PRKACA: variants seen among roughly 807,000 people sequenced by gnomAD.
The protein encoded by PRKACA is cAMP-dependent protein kinase catalytic subunit alpha.
PRKACA carries 9 observed loss-of-function variants against 45.8 expected under a neutral mutation model. The observed-to-expected ratio is 0.20, with a 90% CI of 0.12 to 0.34. The LOEUF (loss-of-function observed/expected upper bound fraction) is 0.34, where lower values mean the gene tolerates loss of function less well. PRKACA is among the 10% of genes least tolerant of loss of function. The pLI is 1.00. For missense variants in PRKACA, 238 were observed against 458.6 expected (o/e 0.52, Z 4.39); for synonymous variants, 160 against 178.6 (o/e 0.90, Z 0.83).
At position 14,097,641 on chromosome 19, in the gene PRKACA, C is replaced by T; in HGVS notation, c.580G>A (p.Gly194Ser). The T allele has an allele frequency of 6.2e-7, 1 of 1,609,330 alleles. No individual in the cohort carries two copies. Among genetic ancestry groups the T allele is most frequent in the Non-Finnish European group, 8.5e-7 (1 of 1,176,898 alleles). The change falls in exon 7 of 10, where the codon GGC becomes AGC. Residue 194 changes from glycine to serine, a missense_variant. Transcript: ENST00000308677. This position sits in a 1 kb window ranked among gnomAD's most constrained non-coding sequence, Gnocchi z 5.4. ...TDFGFAKRVK[G>S]RTWTLCGTPE... Reference sequence around the variant, plus strand: ...GTGCCGCACAAGGTCCAAGTGCGGCCCTTCACGCGCTTGGCGAAACCGAAG... The same window carrying T: ...GTGCCGCACAAGGTCCAAGTGCGGCTCTTCACGCGCTTGGCGAAACCGAAG...
chr19:14,098,814 GAAAAAAA>G (rs78905737), intron 5 of PRKACA, among the ~76,000 whole-genome samples: 24 of 90,672 alleles, frequency 2.6e-4, no homozygotes, highest in Admixed American at 7.8e-4. Flanking sequence ...TATGTTATTG[GAAAAAAA>G]AAAAAAAAAA....
chr19:14,106,250 C>T (rs1977600651), intron 3 of PRKACA, among the ~76,000 whole-genome samples: 1 of 152,128 alleles, frequency 6.6e-6, no homozygotes, highest in South Asian at 2.1e-4. Context: ...CTTGTAGTCC[C>T]AGCTACTCAG....
intron 3 of PRKACA, among the ~76,000 whole-genome samples, chr19:14,103,654 T>C (rs1192524951): frequency 6.6e-6 from 1 of 152,224 alleles, no homozygotes; most frequent in Non-Finnish European, 1.5e-5. Context: ...TCAGAGTCTA[T>C]ACCTGCCCTA....
chr19:14,094,566 A>C (rs1473309982), intron 8 of PRKACA, among the ~76,000 whole-genome samples: 1 of 152,236 alleles, frequency 6.6e-6, no homozygotes, highest in Non-Finnish European at 1.5e-5. Flanking sequence ...CATTGCTCTA[A>C]GGCAAGTGCT....
chr19:14,101,463 G>T (rs909859890), intron 4 of PRKACA, among the ~76,000 whole-genome samples: 12 of 152,202 alleles, frequency 7.9e-5, no homozygotes, highest in African/African-American at 2.9e-4. Context: ...ATACTCAGGA[G>T]ACTGAGGTGG....
intron 8 of PRKACA, among the ~76,000 whole-genome samples, chr19:14,096,032 GTTTTTTTT>G (rs60082323): frequency 1.1e-5 from 1 of 92,580 alleles, no homozygotes; most frequent in African/African-American, 4.5e-5. Flanking sequence ...CTAATTTTTA[GTTTTTTTT>G]TTTTTTTTTT....
Position 14,117,697 on chromosome 19 carries a change from G to A in PRKACA, c.-150C>T. ...GCGCCGCGACCCCCGCCCAGCCCCT[G>A]CTTCCCGCGTCTCTCCGCGCCCGCC... On this transcript the variant is annotated 5_prime_UTR_variant, in exon 1 of 10. Transcript: ENST00000308677. 1 of 272,164 alleles carries A rather than the reference G, an allele frequency of 3.7e-6. No individual in the cohort carries two copies. The highest frequency in any genetic ancestry group is 5.6e-6 in the Non-Finnish European group (1 of 178,678). 16.9% of individuals were successfully genotyped at this position (272,164 alleles called of 1,614,324 possible).
At chr19:14,113,784 C>T (rs1967038194) in intron 1 of PRKACA, among the ~76,000 whole-genome samples, 1 of 144,042 alleles carries the variant, frequency 6.9e-6, no homozygotes, top group African/African-American at 2.8e-5. Flanking sequence ...TGAGCTGGAC[C>T]CCAACACTGG....
intron 1 of PRKACA, chr19:14,114,231 T>G: frequency 6.4e-7 from 1 of 1,570,096 alleles, no homozygotes; most frequent in South Asian, 1.2e-5. Context: ...TCTGTTCGGC[T>G]GTCTGTCCCC....
chr19:14,114,879 T>G (rs1241619954), intron 1 of PRKACA, among the ~76,000 whole-genome samples: 1 of 152,174 alleles, frequency 6.6e-6, no homozygotes, highest in Non-Finnish European at 1.5e-5. Context: ...CACAGGGGAC[T>G]GCAGGATGCT....
rs572054126 is a variant in PRKACA, at chr19:14,100,983, C to T, written c.337-75G>A. ...GATCTGAAGGCCTTGGGGGCCTCCCCGGCTGGTGTTCAAACATTAAATGAC... is the reference window on the plus strand; with the variant it reads ...GATCTGAAGGCCTTGGGGGCCTCCCTGGCTGGTGTTCAAACATTAAATGAC... On this transcript the variant is annotated intron_variant, in intron 4 of 9. Transcript: ENST00000308677. 31 of 1,316,004 alleles carry T rather than the reference C, an allele frequency of 2.4e-5. 1 individual carries two copies. In the Admixed American group the frequency reaches 3.2e-4, roughly 14 times the overall value. 81.5% of individuals were successfully genotyped at this position (1,316,004 alleles called of 1,614,324 possible).
At chr19:14,104,565 G>A (rs1977547979) in intron 3 of PRKACA, among the ~76,000 whole-genome samples, 2 of 151,444 alleles carry the variant, frequency 1.3e-5, no homozygotes, top group Admixed American at 6.6e-5. Flanking sequence ...GCGTGGTGGT[G>A]GGCGCCTGTA....
chr19:14,095,693 T>C (rs1272305790), intron 8 of PRKACA, among the ~76,000 whole-genome samples: 2 of 151,048 alleles, frequency 1.3e-5, no homozygotes, highest in Non-Finnish European at 3.0e-5. Flanking sequence ...AATTTTTGTA[T>C]TTTTAGTAGA....
chr19:14,099,984 G>A lies in PRKACA; in HGVS notation c.419+842C>T, dbSNP rs538074435. ...GCCTCCCGAGTAGCTGGGACTATAG[G>A]CGCCCGCCATCACACCCGGCTAATT... On this transcript the variant is annotated intron_variant, in intron 5 of 9. Transcript: ENST00000308677. Among the ~76,000 whole-genome samples, 3 of 152,120 alleles carry A rather than the reference G, an allele frequency of 2.0e-5. No homozygotes were observed. The East Asian group carries it at 5.8e-4, about 29-fold the overall frequency.
At chr19:14,096,972 G>GGGT in intron 8 of PRKACA, 1 of 331,150 alleles carries the variant, frequency 3.0e-6, no homozygotes, top group Non-Finnish European at 5.9e-6. Context: ...GGGCAATCCT[G>GGGT]GGTGAGGCTA....
rs779356202 is a variant in PRKACA, at chr19:14,107,414, AAGGG to A, written c.47-9_47-6del. Reference sequence around the variant, plus strand: ...CTTTGGCTAAGAATTCTTTCACTGAAAGGGAGAGAGGGGAGAGTTATACAGAGAC... The same window carrying A: ...CTTTGGCTAAGAATTCTTTCACTGAAAGAGAGGGGAGAGTTATACAGAGAC... On this transcript the variant is annotated splice_polypyrimidine_tract_variant and splice_region_variant and intron_variant, in intron 1 of 9. Coordinates refer to ENST00000308677, the MANE Select transcript of PRKACA (RefSeq NM_002730.4). 41 of 1,613,128 alleles carry A rather than the reference AAGGG, an allele frequency of 2.5e-5. No individual in the cohort carries two copies. The highest frequency in any genetic ancestry group is 1.3e-4 in the East Asian group (6 of 44,882).
rs1253452545 is a variant in PRKACA, at chr19:14,091,984, G to A, written c.*1128C>T. ...TGGACAGCTGACAGCTAAGCTGGAG[G>A]AGGGGCGCCCAGGATGGGGGAGGCG... On this transcript the variant is annotated 3_prime_UTR_variant, in exon 10 of 10. Coordinates refer to ENST00000308677, the MANE Select transcript of PRKACA (RefSeq NM_002730.4). The A allele has an allele frequency of 6.6e-6, 1 of 152,280 alleles. No individual in the cohort carries two copies. Among genetic ancestry groups the A allele is most frequent in the East Asian group, 1.9e-4 (1 of 5,190 alleles). 9.4% of individuals were successfully genotyped at this position (152,280 alleles called of 1,614,324 possible). A position where few individuals can be genotyped will look rare whatever the true frequency, so the allele number is the denominator to read the frequency against.
intron 1 of PRKACA, chr19:14,115,188 G>A (rs539505201): frequency 5.6e-6 from 5 of 891,044 alleles, no homozygotes; most frequent in Middle Eastern, 5.8e-4. Flanking sequence ...CATGATTTTC[G>A]GGATGTTTCA....
rs749066015 is a variant in PRKACA, at chr19:14,097,754, T to C, written c.546+10A>G. 6.2e-7 allele frequency: 1 copy of C among 1,614,146 alleles called. No individual in the cohort carries two copies. The highest frequency in any genetic ancestry group is 1.3e-5 in the African/African-American group (1 of 75,048). ...CCCCAGGGCTGCCCCTCGCCCGGCCTGGTGGGCACCTGAATGTAGCCCTGC... is the reference window on the plus strand; with the variant it reads ...CCCCAGGGCTGCCCCTCGCCCGGCCCGGTGGGCACCTGAATGTAGCCCTGC... On this transcript the variant is annotated intron_variant, in intron 6 of 9. Transcript: ENST00000308677. This position sits in a 1 kb window ranked among gnomAD's most constrained non-coding sequence, Gnocchi z 5.4.
Sources: gnomAD v4.1 joint callset for allele counts (sites outside exome capture counted in the v4.1 genomes callset) on GRCh38, gnomAD v4.1.1 for gene constraint, Gnocchi (gnomAD v3.1) non-coding constraint, MANE v1.5 for transcripts, NCBI Gene and HGNC (gene_info 2026-07-23, HGNC 2026-07-21) for gene names.